WDR72: variants seen among roughly 807,000 people sequenced by gnomAD.
WDR72 encodes the protein WD repeat-containing protein 72.
WDR72 carries 120 observed loss-of-function variants against 124.2 expected under a neutral mutation model. That is an observed-to-expected ratio of 0.97 (90% CI 0.83 to 1.12). The LOEUF is 1.12. WDR72 is among the 50% of genes most tolerant of loss of function. The pLI is 0.00. For missense variants in WDR72, 1,387 were observed against 1,278.8 expected (o/e 1.08, Z -1.29); for synonymous variants, 452 against 441.7 (o/e 1.02, Z -0.29).
At chr15:53,665,528 G>A (rs375794257) in intron 14 of WDR72, 44 bp downstream of exon 14, 30 of 1,605,924 alleles carry the variant, frequency 1.9e-5, no homozygotes, top group Admixed American at 1.3e-4. Context: ...CTTCTTATTC[G>A]GTTGATAATG....
At position 53,602,523 on chromosome 15, in the gene WDR72, A is replaced by G. The variant is rs565572353; in HGVS notation, c.2953-5249T>C. Among the ~76,000 whole-genome samples, 26 of 152,074 alleles carry G rather than the reference A, an allele frequency of 1.7e-4. No individual in the cohort carries two copies. In the South Asian group the frequency reaches 5.2e-3, roughly 30 times the overall value. On this transcript the variant is annotated intron_variant, in intron 17 of 19. Transcript: ENST00000360509. ...AAGGAGATAACTCACAAAAAAATCTATTCAAGAGATCAACAAACCCAAGAG... is the reference window on the plus strand; with the variant it reads ...AAGGAGATAACTCACAAAAAAATCTGTTCAAGAGATCAACAAACCCAAGAG...
chr15:53,721,701 T>A (rs1472049891), intron 3 of WDR72, among the ~76,000 whole-genome samples: 1 of 152,212 alleles, frequency 6.6e-6, no homozygotes, highest in East Asian at 1.9e-4. Context: ...TTTTCAGAAT[T>A]CAGAAGCGTA....
intron 13 of WDR72, among the ~76,000 whole-genome samples, chr15:53,685,415 C>T (rs1239125886): frequency 7.7e-6 from 1 of 129,120 alleles, no homozygotes; most frequent in Non-Finnish European, 1.6e-5. Flanking sequence ...GTGAAGAATG[C>T]AGAAGCCTCA....
At chr15:53,671,501 A>T in intron 13 of WDR72, among the ~76,000 whole-genome samples, 1 of 152,238 alleles carries the variant, frequency 6.6e-6, no homozygotes, top group East Asian at 1.9e-4. Context: ...CTTGGTACAA[A>T]GCAGGTCTTT....
chr15:53,745,375 C>T (rs1371967135), intron 1 of WDR72, among the ~76,000 whole-genome samples: 1 of 152,120 alleles, frequency 6.6e-6, no homozygotes, highest in Non-Finnish European at 1.5e-5. Context: ...TTTACTTTTA[C>T]AGTATTGACA....
intron 18 of WDR72, among the ~76,000 whole-genome samples, chr15:53,585,935 A>G (rs1375734958): frequency 6.6e-6 from 1 of 152,070 alleles, no homozygotes; most frequent in Admixed American, 6.6e-5. Context: ...TTATTCTCCA[A>G]CACACATGTG....
Position 53,575,663 on chromosome 15 carries a change from C to T in WDR72, c.3148+21416G>A, listed in dbSNP as rs371233003. On this transcript the variant is annotated intron_variant, in intron 18 of 19. Transcript: ENST00000360509. ...AATGGAAATAACAGTACCTAGCCTG[C>T]ATAGTTATTAGAAAGATTAGATCAT... Among the ~76,000 whole-genome samples, 64 of 152,142 alleles carry T rather than the reference C, an allele frequency of 4.2e-4. No homozygotes were observed. The South Asian group carries it at 5.8e-3, about 14-fold the overall frequency.
At position 53,718,882 on chromosome 15, in the gene WDR72, A is replaced by G. The variant is rs879523674; in HGVS notation, c.261-2197T>C. Among the ~76,000 whole-genome samples the G allele has an allele frequency of 2.1e-5, 3 of 144,644 alleles. No individual in the cohort carries two copies. The East Asian group carries it at 5.8e-4, about 28-fold the overall frequency. 94.9% of individuals were successfully genotyped at this position (144,644 alleles called of 152,430 possible). A position where few individuals can be genotyped will look rare whatever the true frequency, so the allele number is the denominator to read the frequency against. ...TAAAAATTCTTAAATTTTTATTTCA[A>G]TGAAAAGAAAACAGCAGATGAAAGT... On this transcript the variant is annotated intron_variant, in intron 3 of 19. Transcript: ENST00000360509.
chr15:53,683,760 T>C (rs1456103359), intron 13 of WDR72, among the ~76,000 whole-genome samples: 1 of 152,138 alleles, frequency 6.6e-6, no homozygotes, highest in South Asian at 2.1e-4. Flanking sequence ...ATGATACATC[T>C]ATAAATCTCA....
intron 18 of WDR72, among the ~76,000 whole-genome samples, chr15:53,547,180 A>T (rs1389697432): frequency 1.3e-5 from 2 of 152,240 alleles, no homozygotes; most frequent in African/African-American, 4.8e-5. Context: ...CATTGAGTTG[A>T]ACATATTTAC....
intron 14 of WDR72, among the ~76,000 whole-genome samples, chr15:53,629,739 C>T (rs1207531638): frequency 2.0e-5 from 3 of 151,906 alleles, no homozygotes; most frequent in African/African-American, 7.3e-5. Flanking sequence ...TTTAATTTGC[C>T]TTATTCTCAT....
intron 14 of WDR72, among the ~76,000 whole-genome samples, chr15:53,659,297 T>C (rs1446297733): frequency 2.6e-5 from 4 of 152,216 alleles, no homozygotes; most frequent in Non-Finnish European, 5.9e-5. Flanking sequence ...CGGTGTTAAC[T>C]ACATTTGTCA....
At chr15:53,757,279 C>T (rs1247686040) in intron 1 of WDR72, among the ~76,000 whole-genome samples, 1 of 152,076 alleles carries the variant, frequency 6.6e-6, no homozygotes. Context: ...AATAACCATA[C>T]ATATAGAAAA....
chr15:53,698,880 C>A (rs1303804094), intron 13 of WDR72, among the ~76,000 whole-genome samples: 1 of 152,158 alleles, frequency 6.6e-6, no homozygotes, highest in Non-Finnish European at 1.5e-5. Context: ...GAAAGCCCAT[C>A]AAAGCTATAA....
intron 18 of WDR72, among the ~76,000 whole-genome samples, chr15:53,575,172 C>T (rs149529173): frequency 2.0e-5 from 3 of 151,952 alleles, no homozygotes; most frequent in East Asian, 3.9e-4. Context: ...ACTACCATAT[C>T]GTATGTTCCG....
intron 16 of WDR72, among the ~76,000 whole-genome samples, chr15:53,610,695 T>G (rs1449639961): frequency 1.3e-5 from 2 of 152,040 alleles, no homozygotes; most frequent in African/African-American, 4.8e-5. Flanking sequence ...TGACCAATTA[T>G]TGATATTACT....
At chr15:53,579,826 T>A (rs1336255586) in intron 18 of WDR72, among the ~76,000 whole-genome samples, 1 of 152,002 alleles carries the variant, frequency 6.6e-6, no homozygotes, top group East Asian at 1.9e-4. Flanking sequence ...ATAAAAAAAA[T>A]GTTCAAAATC....
intron 13 of WDR72, among the ~76,000 whole-genome samples, chr15:53,699,307 GT>G (rs1014899861): frequency 2.0e-5 from 3 of 152,068 alleles, no homozygotes; most frequent in African/African-American, 7.2e-5. Flanking sequence ...TCAGTTTTCA[GT>G]TTCCCTGACT....
At chr15:53,732,889 AT>A in intron 2 of WDR72, 107 bp downstream of exon 2, 1 of 1,334,606 alleles carries the variant, frequency 7.5e-7, no homozygotes, top group Middle Eastern at 2.4e-4. Flanking sequence ...TTTAATAAAC[AT>A]CTTTTTAACA....
Sources: allele counts gnomAD v4.1 joint callset (sites outside exome capture counted in the v4.1 genomes callset), GRCh38; gene constraint gnomAD v4.1.1; transcripts MANE v1.5; gene names NCBI Gene and HGNC (gene_info 2026-07-23, HGNC 2026-07-21).